BAIAP2L1: variants seen among roughly 807,000 people sequenced by gnomAD.
BAIAP2L1 encodes BAR/IMD domain containing adaptor protein 2 like 1, also known as BAR/IMD domain-containing adapter protein 2-like 1.
A neutral mutation model predicts 66.3 loss-of-function variants in BAIAP2L1; 35 were observed. The observed-to-expected ratio is 0.53, with a 90% CI of 0.40 to 0.70. The LOEUF is 0.70. Ranked by LOEUF, BAIAP2L1 falls within the 30% of genes least tolerant of loss-of-function variation. The pLI is 0.00. For missense variants in BAIAP2L1, 622 were observed against 656.9 expected (o/e 0.95, Z 0.58); for synonymous variants, 269 against 248.7 (o/e 1.08, Z -0.77).
rs2116860054 is a variant in BAIAP2L1 at position 98,307,871 on chromosome 7, C to T, written c.981G>A (p.Gln327=). Residue 327 remains glutamine (Q), a synonymous_variant, in exon 10 of 14, where the codon CAG becomes CAA. Transcript: ENST00000005260. ...GTCCCGTTGCAACCGAAACTGATCG[C>T]TGTAAACTGGGATCTTCGGAAGTAC... ...STGTSEDPSL[Q]RSVSVATGLN... The T allele has an allele frequency of 6.2e-7, 1 of 1,614,238 alleles. No homozygotes were observed. Among genetic ancestry groups the T allele is most frequent in the East Asian group, 2.2e-5 (1 of 44,884 alleles).
At chr7:98,381,147 AG>A (rs2115802893) in intron 1 of BAIAP2L1, among the ~76,000 whole-genome samples, 1 of 152,308 alleles carries the variant, frequency 6.6e-6, no homozygotes, top group South Asian at 2.1e-4. Context: ...GTTTTGAGGC[AG>A]ATCTCCGGCT....
Position 98,395,488 on chromosome 7 carries a change from G to A in BAIAP2L1, c.51+5314C>T, listed in dbSNP as rs543779501. On this transcript the variant is annotated intron_variant, in intron 1 of 13. Coordinates refer to ENST00000005260, the MANE Select transcript of BAIAP2L1 (RefSeq NM_018842.5). ...GGGGCTACCCTTGGAGGGGTGCAGCGACTGGGAGGTGGCACGAGGGGGACT... is the reference window on the plus strand; with the variant it reads ...GGGGCTACCCTTGGAGGGGTGCAGCAACTGGGAGGTGGCACGAGGGGGACT... Among the ~76,000 whole-genome samples, 16 of 151,414 alleles carry A rather than the reference G, an allele frequency of 1.1e-4. No homozygotes were observed. In the South Asian group the frequency reaches 1.3e-3, roughly 12 times the overall value.
chr7:98,324,111 C>T (rs868868084), intron 3 of BAIAP2L1, among the ~76,000 whole-genome samples: 1 of 152,226 alleles, frequency 6.6e-6, no homozygotes, highest in Non-Finnish European at 1.5e-5. Flanking sequence ...AAGAAACACA[C>T]CACTGTGCTG....
intron 1 of BAIAP2L1, chr7:98,386,489 A>C: frequency 1.9e-6 from 3 of 1,597,202 alleles, no homozygotes; most frequent in Non-Finnish European, 1.7e-6. Context: ...GTGCTTTCAC[A>C]TCATACCAAT....
chr7:98,361,857 T>A (rs1422774326), intron 2 of BAIAP2L1, among the ~76,000 whole-genome samples: 1 of 152,080 alleles, frequency 6.6e-6, no homozygotes, highest in Non-Finnish European at 1.5e-5. Context: ...CGCCACACAC[T>A]CCTGAGTAGC....
intron 1 of BAIAP2L1, among the ~76,000 whole-genome samples, chr7:98,368,977 T>C (rs1381314344): frequency 6.6e-6 from 1 of 151,932 alleles, no homozygotes; most frequent in Non-Finnish European, 1.5e-5. Context: ...ATCTCTAGGA[T>C]AACCTGGGGG....
intron 3 of BAIAP2L1, among the ~76,000 whole-genome samples, chr7:98,327,100 C>T (rs1306096878): frequency 1.3e-5 from 2 of 152,160 alleles, no homozygotes; most frequent in Non-Finnish European, 2.9e-5. Flanking sequence ...GTGGCTCATG[C>T]CTGGAATCCC....
At chr7:98,384,269 T>G (rs1169416949) in intron 1 of BAIAP2L1, among the ~76,000 whole-genome samples, 2 of 151,506 alleles carry the variant, frequency 1.3e-5, no homozygotes, top group Non-Finnish European at 2.9e-5. Flanking sequence ...AAATAAGAAA[T>G]GCAAACACCT....
chr7:98,398,958 C>T (rs1803285352), intron 1 of BAIAP2L1, among the ~76,000 whole-genome samples: 1 of 152,150 alleles, frequency 6.6e-6, no homozygotes, highest in Non-Finnish European at 1.5e-5. Context: ...CTCAAATTTG[C>T]AATGGCCTGC....
chr7:98,295,776 G>A (rs1800164108), intron 12 of BAIAP2L1, among the ~76,000 whole-genome samples: 1 of 152,086 alleles, frequency 6.6e-6, no homozygotes, highest in African/African-American at 2.4e-5. Flanking sequence ...AGCACACCCC[G>A]GAGCTTGTTC....
intron 1 of BAIAP2L1, among the ~76,000 whole-genome samples, chr7:98,379,977 TGTG>T (rs1802718287): frequency 6.6e-6 from 1 of 152,180 alleles, no homozygotes; most frequent in Non-Finnish European, 1.5e-5. Flanking sequence ...AAATTTAAAT[TGTG>T]GTGACGGCTG....
intron 1 of BAIAP2L1, among the ~76,000 whole-genome samples, chr7:98,367,924 G>A (rs566376005): frequency 4.6e-5 from 7 of 151,832 alleles, no homozygotes; most frequent in South Asian, 4.2e-4. Flanking sequence ...ACGCTTGGCC[G>A]GGTTTCATCA....
chr7:98,343,254 C>CAG (rs1801788519), intron 3 of BAIAP2L1, among the ~76,000 whole-genome samples: 1 of 130,812 alleles, frequency 7.6e-6, no homozygotes, highest in South Asian at 2.3e-4. Context: ...AAAATACACA[C>CAG]ACACACACAC....
Position 98,307,846 on chromosome 7 carries a change from G to C in BAIAP2L1, c.1006C>G (p.Leu336Val). 6.2e-7 allele frequency: 1 copy of C among 1,614,250 alleles called. No homozygotes were observed. The highest frequency in any genetic ancestry group is 8.5e-7 in the Non-Finnish European group (1 of 1,180,048). The change falls in exon 10 of 14, where the codon CTG becomes GTG. Residue 336 changes from leucine to valine, a missense_variant. Physicochemically the swap from Leu to Val is conservative, Grantham distance 32. Coordinates refer to ENST00000005260, the MANE Select transcript of BAIAP2L1 (RefSeq NM_018842.5). Reference protein sequence around the residue: ...LQRSVSVATGLNMMKKQKVKT... With the variant: ...LQRSVSVATGVNMMKKQKVKT... ...ACTTTCTGCTTCTTCATCATGTTCA[G>C]TCCCGTTGCAACCGAAACTGATCGC...
rs375051431 is a variant in BAIAP2L1, at chr7:98,312,156, C to T, written c.748G>A (p.Ala250Thr). 3.1e-6 allele frequency: 5 copies of T among 1,613,952 alleles called. No individual in the cohort carries two copies. In the Middle Eastern group the frequency reaches 8.3e-4, roughly 266 times the overall value. Reference protein sequence around the residue: ...MNMIEEIKTPASTPVSGTPQA... With the variant: ...MNMIEEIKTPTSTPVSGTPQA... ...GGAGTTCCAGACACGGGGGTAGAGGCTGGGGTCTTTATTTCTTCGATCATA... is the reference window on the plus strand; with the variant it reads ...GGAGTTCCAGACACGGGGGTAGAGGTTGGGGTCTTTATTTCTTCGATCATA... Residue 250 changes from alanine (A) to threonine (T), a missense_variant, in exon 8 of 14, where the codon GCC becomes ACC. By Grantham distance (58) the Ala-to-Thr change is moderately conservative. Transcript: ENST00000005260.
intron 3 of BAIAP2L1, among the ~76,000 whole-genome samples, chr7:98,331,355 G>A (rs530406117): frequency 6.6e-6 from 1 of 151,516 alleles, no homozygotes; most frequent in South Asian, 2.1e-4. Context: ...GTTACTGGCA[G>A]ACACCAAACC....
intron 2 of BAIAP2L1, among the ~76,000 whole-genome samples, chr7:98,360,359 G>A (rs74915548): frequency 1.0e-3 from 156 of 152,224 alleles, no homozygotes; most frequent in African/African-American, 3.3e-3. Context: ...GTGTTCTAAC[G>A]TAACTGTGGA....
intron 12 of BAIAP2L1, among the ~76,000 whole-genome samples, chr7:98,299,871 T>C (rs62478160): frequency 0.22 from 33,836 of 151,686 alleles, 4,286 homozygotes; most frequent in East Asian, 0.46. Flanking sequence ...TGAAACCCCG[T>C]ATCTACTAAA....
At chr7:98,306,172 G>A (rs558810858) in intron 11 of BAIAP2L1, among the ~76,000 whole-genome samples, 1 of 152,324 alleles carries the variant, frequency 6.6e-6, no homozygotes, top group African/African-American at 2.4e-5. Flanking sequence ...TAGCGACCAG[G>A]AGGGGCAGGG....
Sources: allele counts gnomAD v4.1 joint callset (sites outside exome capture counted in the v4.1 genomes callset), GRCh38; gene constraint gnomAD v4.1.1; transcripts MANE v1.5; gene names NCBI Gene and HGNC (gene_info 2026-07-23, HGNC 2026-07-21).